The following GJA3 variants were observed in gnomAD, a reference collection of about 807,000 sequenced individuals.
GJA3 encodes gap junction protein alpha 3.
For missense variants in GJA3, 571 were observed against 620.3 expected (o/e 0.92, Z 0.84); for synonymous variants, 297 against 292.6 (o/e 1.02, Z -0.15).
At chr13:20,157,331 C>T (rs1958911968) in intron 1 of GJA3, among the ~76,000 whole-genome samples, 1 of 152,124 alleles carries the variant, frequency 6.6e-6, no homozygotes, top group Admixed American at 6.5e-5. Flanking sequence ...AAACACTGAC[C>T]TCATAAACAC....
At position 20,141,779 on chromosome 13, in the gene GJA3, C is replaced by A. The variant is rs1296189958; in HGVS notation, c.*202G>T. On this transcript the variant is annotated 3_prime_UTR_variant, in exon 2 of 2. Coordinates refer to ENST00000241125, the MANE Select transcript of GJA3 (RefSeq NM_021954.4). ...CCCAAACTCAGAAAGTGGGAGTTAT[C>A]CCCACTGTAACTCACAGTGCTAAGA... 13 of 726,998 alleles carry A rather than the reference C, an allele frequency of 1.8e-5. No homozygotes were observed. Among genetic ancestry groups the A allele is most frequent in the Admixed American group, 3.4e-5 (1 of 29,602 alleles). The allele number at this position is 726,998 out of a possible 1,614,324, so 45.0% of individuals were successfully genotyped here. A position where few individuals can be genotyped will look rare whatever the true frequency, so the allele number is the denominator to read the frequency against.
intron 1 of GJA3, among the ~76,000 whole-genome samples, chr13:20,160,144 A>G (rs1284494649): frequency 3.3e-5 from 5 of 152,160 alleles, no homozygotes; most frequent in South Asian, 2.1e-4. Flanking sequence ...GGAGTCGGCA[A>G]CAAAGCAAAT....
At chr13:20,156,436 A>G (rs1958907505) in intron 1 of GJA3, among the ~76,000 whole-genome samples, 1 of 152,142 alleles carries the variant, frequency 6.6e-6, no homozygotes, top group Non-Finnish European at 1.5e-5. Context: ...CCTCCCAAGT[A>G]GCTGGGATTA....
At chr13:20,153,172 A>T (rs1308791083) in intron 1 of GJA3, among the ~76,000 whole-genome samples, 2 of 149,338 alleles carry the variant, frequency 1.3e-5, no homozygotes, top group Admixed American at 6.7e-5. Context: ...CTGACTTTTT[A>T]AAAAATACAG....
chr13:20,158,570 A>G (rs535324392), intron 1 of GJA3, among the ~76,000 whole-genome samples: 2 of 152,066 alleles, frequency 1.3e-5, no homozygotes, highest in Non-Finnish European at 2.9e-5. Flanking sequence ...GAGTGTGGAA[A>G]CTATTCACAT....
chr13:20,148,787 C>A (rs1254853110), intron 1 of GJA3, among the ~76,000 whole-genome samples: 1 of 152,178 alleles, frequency 6.6e-6, no homozygotes, highest in Non-Finnish European at 1.5e-5. Flanking sequence ...CACGGGGAGG[C>A]CCCCGGTGTG....
At chr13:20,143,355 G>C in intron 1 of GJA3, 50 bp from the exon 2 acceptor site, 1 of 1,344,516 alleles carries the variant, frequency 7.4e-7, no homozygotes, top group Non-Finnish European at 1.0e-6. Context: ...GCTGAGTGCC[G>C]GGTCCGCACC....
intron 1 of GJA3, among the ~76,000 whole-genome samples, chr13:20,157,350 C>A (rs984202767): frequency 1.3e-5 from 2 of 152,166 alleles, no homozygotes; most frequent in Non-Finnish European, 2.9e-5. Context: ...ACAGTGCAGT[C>A]AGTTAAAAGG....
chr13:20,155,420 T>C (rs1483862128), intron 1 of GJA3, among the ~76,000 whole-genome samples: 2 of 152,202 alleles, frequency 1.3e-5, no homozygotes, highest in Non-Finnish European at 2.9e-5. Context: ...CATTAACTGT[T>C]ACTAACATAC....
At chr13:20,150,449 G>A (rs541467995) in intron 1 of GJA3, among the ~76,000 whole-genome samples, 13 of 152,220 alleles carry the variant, frequency 8.5e-5, no homozygotes, top group African/African-American at 2.9e-4. Context: ...GGAGGACCGC[G>A]TCCTGCACAG....
Position 20,141,613 on chromosome 13 carries a change from A to G in GJA3, c.*368T>C. The G allele has an allele frequency of 4.9e-6, 1 of 205,000 alleles. No individual in the cohort carries two copies. Among genetic ancestry groups the G allele is most frequent in the Non-Finnish European group, 9.7e-6 (1 of 102,898 alleles). The allele number at this position is 205,000 out of a possible 1,614,324, so 12.7% of individuals were successfully genotyped here. On this transcript the variant is annotated 3_prime_UTR_variant, in exon 2 of 2. Transcript: ENST00000241125. Reference sequence around the variant, plus strand: ...GGAGAGCTTAGGAATAGCAAACCCAATTGCCCAGGAGCTAAAGGGACTGCA... The same window carrying G: ...GGAGAGCTTAGGAATAGCAAACCCAGTTGCCCAGGAGCTAAAGGGACTGCA...
In GJA3 at chr13:20,140,334, T is replaced by C. The variant is rs1958800077; in HGVS notation, c.*1647A>G. On this transcript the variant is annotated 3_prime_UTR_variant, in exon 2 of 2. Coordinates refer to ENST00000241125, the MANE Select transcript of GJA3 (RefSeq NM_021954.4). Reference sequence around the variant, plus strand: ...TGACTGACATGAAAAACTAGTTGCATGCAAGAATCTGAGACTTGGAAATTG... The same window carrying C: ...TGACTGACATGAAAAACTAGTTGCACGCAAGAATCTGAGACTTGGAAATTG... 6.6e-6 allele frequency: 1 copy of C among 152,216 alleles called. No homozygotes were observed. Among genetic ancestry groups the C allele is most frequent in the African/African-American group, 2.4e-5 (1 of 41,464 alleles). 9.4% of individuals were successfully genotyped at this position (152,216 alleles called of 1,614,324 possible). A position where few individuals can be genotyped will look rare whatever the true frequency, so the allele number is the denominator to read the frequency against.
At position 20,141,958 on chromosome 13, in the gene GJA3, G is replaced by A; in HGVS notation, c.*23C>T. The A allele has an allele frequency of 1.9e-6, 3 of 1,550,028 alleles. No individual in the cohort carries two copies. Among genetic ancestry groups the A allele is most frequent in the Non-Finnish European group, 2.6e-6 (3 of 1,146,602 alleles). ...CTAAGAAAAAGATCACTACACAGCT[G>A]TCTGGAGGCAGGCACCCGGGCACTA... is the stretch of plus-strand genomic sequence containing the variant. On this transcript the variant is annotated 3_prime_UTR_variant, in exon 2 of 2. Coordinates refer to ENST00000241125, the MANE Select transcript of GJA3 (RefSeq NM_021954.4).
At chr13:20,145,377 T>C (rs1958835907) in intron 1 of GJA3, among the ~76,000 whole-genome samples, 1 of 152,108 alleles carries the variant, frequency 6.6e-6, no homozygotes, top group Non-Finnish European at 1.5e-5. Flanking sequence ...CAGCCTCTCA[T>C]CTCCTATTGT....
intron 1 of GJA3, among the ~76,000 whole-genome samples, chr13:20,154,047 C>G (rs1958894402): frequency 6.6e-6 from 1 of 152,174 alleles, no homozygotes; most frequent in African/African-American, 2.4e-5. Context: ...TCTGGTAGGA[C>G]AAGTCCCCCA....
chr13:20,142,384 A>T lies in GJA3; in HGVS notation c.905T>A (p.Leu302Gln), dbSNP rs758716786. The T allele has an allele frequency of 6.6e-7, 1 of 1,521,252 alleles. No individual in the cohort carries two copies. The highest frequency in any genetic ancestry group is 8.8e-7 in the Non-Finnish European group (1 of 1,134,970). The allele number at this position is 1,521,252 out of a possible 1,614,324, so 94.2% of individuals were successfully genotyped here. The change falls in exon 2 of 2, where the codon CTG becomes CAG. Residue 302 changes from leucine (L) to glutamine (Q), a missense_variant. By Grantham distance (113) the Leu-to-Gln change is moderately radical. Coordinates refer to ENST00000241125, the MANE Select transcript of GJA3 (RefSeq NM_021954.4). ...CTGGCCCTTTCCGCGCGCCTCGGTC[A>T]GGGCTAGCAGTTTGAAGTCCGCGGC... ...PPAADFKLLA[L>Q]TEARGKGQSA...
rs538212776 is a variant in GJA3, at chr13:20,140,549, C to A, written c.*1432G>T. Reference sequence around the variant, plus strand: ...GGTGAAAAGTGTGAGTAGAAACAGGCTCAACATGACCATCGTTCATTTTAT... The same window carrying A: ...GGTGAAAAGTGTGAGTAGAAACAGGATCAACATGACCATCGTTCATTTTAT... On this transcript the variant is annotated 3_prime_UTR_variant, in exon 2 of 2. Coordinates refer to ENST00000241125, the MANE Select transcript of GJA3 (RefSeq NM_021954.4). 1.3e-5 allele frequency: 2 copies of A among 152,144 alleles called. No homozygotes were observed. The highest frequency in any genetic ancestry group is 2.9e-5 in the Non-Finnish European group (2 of 68,030). The allele number at this position is 152,144 out of a possible 1,614,324, so 9.4% of individuals were successfully genotyped here.
Position 20,157,166 on chromosome 13 carries a change from G to A in GJA3, c.-18+3724C>T, listed in dbSNP as rs1397736925. On this transcript the variant is annotated intron_variant, in intron 1 of 1. Coordinates refer to ENST00000241125, the MANE Select transcript of GJA3 (RefSeq NM_021954.4). ...AATGAAAAAAAGTGACTTCCTTAAG[G>A]TAAAATTGAACTTAGCAGTACCCCA... is the stretch of plus-strand genomic sequence containing the variant. Among the ~76,000 whole-genome samples the A allele has an allele frequency of 3.3e-5, 5 of 152,142 alleles. No individual in the cohort carries two copies. In the East Asian group the frequency reaches 9.6e-4, roughly 29 times the overall value.
At position 20,142,551 on chromosome 13, in the gene GJA3, C is replaced by T. The variant is rs747730140; in HGVS notation, c.738G>A (p.Pro246=). ...GGGGCGGGGGATCGGCTGTCCCCAGCGGGGCCTCGGAGGCGTCCGGGCCGA... is the reference window on the plus strand; with the variant it reads ...GGGGCGGGGGATCGGCTGTCCCCAGTGGGGCCTCGGAGGCGTCCGGGCCGA... ...SRLGPDASEA[P]LGTADPPPLP... is the part of the protein sequence containing the mutation. Residue 246 remains proline (P), a synonymous_variant, in exon 2 of 2, where the codon CCG becomes CCA. Coordinates refer to ENST00000241125, the MANE Select transcript of GJA3 (RefSeq NM_021954.4). 1.3e-6 allele frequency: 2 copies of T among 1,572,720 alleles called. No individual in the cohort carries two copies. The highest frequency in any genetic ancestry group is 2.4e-5 in the East Asian group (1 of 42,320).
Sources: gnomAD v4.1 joint callset for allele counts (sites outside exome capture counted in the v4.1 genomes callset) on GRCh38, gnomAD v4.1.1 for gene constraint, MANE v1.5 for transcripts, NCBI Gene and HGNC (gene_info 2026-07-23, HGNC 2026-07-21) for gene names.